The following TENM2 variants were observed in gnomAD, a reference collection of about 807,000 sequenced individuals.
TENM2 encodes teneurin-2.
In TENM2, 52 loss-of-function variants were observed where a neutral mutation model predicts 245.2. The ratio of observed to expected loss-of-function variants is 0.21; its 90% CI spans 0.17 to 0.27. The LOEUF (loss-of-function observed/expected upper bound fraction) is 0.27, where lower values mean the gene tolerates loss of function less well. Among genes scored for constraint, TENM2 ranks in the 10% least tolerant of loss-of-function variants. TENM2 has a pLI of 1.00. For synonymous variants in TENM2, 1,363 were observed against 1,438.9 expected (o/e 0.95, Z 1.19); for missense variants, 3,046 against 3,666.8 (o/e 0.83, Z 4.37).
At chr5:167,498,412 A>T (rs1423161952) in intron 2 of TENM2, among the ~76,000 whole-genome samples, 1 of 152,042 alleles carries the variant, frequency 6.6e-6, no homozygotes, top group Non-Finnish European at 1.5e-5. Context: ...GATTCTCAGG[A>T]TTTAATATTT....
At chr5:168,236,654 A>C (rs560456420) in intron 25 of TENM2, among the ~76,000 whole-genome samples, 32 of 151,970 alleles carry the variant, frequency 2.1e-4, no homozygotes, top group African/African-American at 7.5e-4. Flanking sequence ...TTGTTGGCTC[A>C]CCTGTCGTTA....
chr5:167,979,287 A>G (rs1305055361), intron 4 of TENM2, among the ~76,000 whole-genome samples: 1 of 152,202 alleles, frequency 6.6e-6, no homozygotes, highest in Non-Finnish European at 1.5e-5. Flanking sequence ...GATTAAAACC[A>G]TTCTATCATA....
At chr5:168,012,963 G>A (rs1490580312) in intron 5 of TENM2, among the ~76,000 whole-genome samples, 1 of 151,924 alleles carries the variant, frequency 6.6e-6, no homozygotes, top group Non-Finnish European at 1.5e-5. Flanking sequence ...ATTTCCTTAG[G>A]TTTCCTGCCT....
intron 2 of TENM2, among the ~76,000 whole-genome samples, chr5:167,826,599 A>C (rs1354100741): frequency 6.6e-6 from 1 of 152,210 alleles, no homozygotes; most frequent in African/African-American, 2.4e-5. Flanking sequence ...ATACTTTACT[A>C]TGTATTTCCT....
At chr5:167,355,406 G>A (rs529380950) in intron 1 of TENM2, among the ~76,000 whole-genome samples, 25 of 152,290 alleles carry the variant, frequency 1.6e-4, no homozygotes, top group African/African-American at 5.8e-4. Flanking sequence ...ACAAGAGAAA[G>A]TGATTTGGAG....
At chr5:167,892,108 T>TA (rs75184605) in intron 3 of TENM2, among the ~76,000 whole-genome samples, 2 of 152,340 alleles carry the variant, frequency 1.3e-5, no homozygotes, top group East Asian at 3.9e-4. Flanking sequence ...TATAGCATTG[T>TA]AAGCACATTA....
chr5:167,354,295 T>C (rs543759261), intron 1 of TENM2, among the ~76,000 whole-genome samples: 2 of 152,364 alleles, frequency 1.3e-5, no homozygotes, highest in African/African-American at 4.8e-5. Context: ...TGCTCATGGC[T>C]CACTGATTTT....
the TENM2 span, among the ~76,000 whole-genome samples, chr5:167,050,377 A>G: frequency 2.0e-5 from 3 of 152,154 alleles, no homozygotes; most frequent in Non-Finnish European, 2.9e-5. Flanking sequence ...CCGAGGTGGA[A>G]CAGTTTCATT....
chr5:167,266,454 G>A, the TENM2 span, among the ~76,000 whole-genome samples: 2 of 152,020 alleles, frequency 1.3e-5, no homozygotes, highest in Non-Finnish European at 2.9e-5. Context: ...TAAAATCTGA[G>A]TTCTGTTTTA....
intron 2 of TENM2, among the ~76,000 whole-genome samples, chr5:167,739,104 A>G (rs896841815): frequency 3.5e-4 from 54 of 152,342 alleles, no homozygotes; most frequent in Non-Finnish European, 4.9e-4. Context: ...ATTCCTTGCA[A>G]TAGGAGCCCT....
chr5:167,210,451 A>ATT, the TENM2 span, among the ~76,000 whole-genome samples: 1,663 of 101,168 alleles, frequency 0.016, 40 homozygotes, highest in East Asian at 0.036. Flanking sequence ...TTTTCACTGC[A>ATT]TTTTTTTTTT....
the TENM2 span, among the ~76,000 whole-genome samples, chr5:167,236,118 G>T: frequency 6.6e-5 from 10 of 152,118 alleles, no homozygotes; most frequent in Non-Finnish European, 1.3e-4. Context: ...GAAGTACTGT[G>T]TATTACCTTG....
At chr5:167,840,499 G>A (rs184878247) in intron 2 of TENM2, among the ~76,000 whole-genome samples, 12 of 152,176 alleles carry the variant, frequency 7.9e-5, no homozygotes, top group Non-Finnish European at 2.9e-5. Context: ...AACTGAATTC[G>A]CTAAGTTCAT....
At chr5:167,897,272 C>T (rs1775295963) in intron 3 of TENM2, among the ~76,000 whole-genome samples, 1 of 142,046 alleles carries the variant, frequency 7.0e-6, no homozygotes, top group Admixed American at 7.5e-5. Context: ...CTCATTTGTG[C>T]CATTAGCTGA....
chr5:168,218,168 A>G lies in TENM2; in HGVS notation c.4277A>G (p.Asp1426Gly), dbSNP rs1460156536. The G allele has an allele frequency of 1.2e-6, 2 of 1,613,694 alleles. No homozygotes were observed. Among genetic ancestry groups the G allele is most frequent in the Admixed American group, 1.7e-5 (1 of 59,980 alleles). Reference sequence around the variant, plus strand: ...ACAGACCTTGCTGTCAATCCCATGGATAACTCCTTGTATGTTCTAGAGAAC... The same window carrying G: ...ACAGACCTTGCTGTCAATCCCATGGGTAACTCCTTGTATGTTCTAGAGAAC... Residue 1426 changes from aspartate to glycine, a missense_variant, in exon 23 of 29, where the codon GAT (aspartate) becomes GGT (glycine). This residue lies in a region of TENM2 where 2,704 missense variants were observed against 3,331.9 expected (regional missense o/e 0.81). Transcript: ENST00000518659. This position sits in a 1 kb window ranked among gnomAD's most constrained non-coding sequence, Gnocchi z 5.2.
chr5:168,253,714 C>T (rs1047261261), intron 27 of TENM2, among the ~76,000 whole-genome samples: 2 of 152,188 alleles, frequency 1.3e-5, no homozygotes, highest in South Asian at 2.1e-4. Flanking sequence ...CGTGAGCCAC[C>T]GCGCCTGGCT....
chr5:167,794,481 A>G (rs1262514208), intron 2 of TENM2, among the ~76,000 whole-genome samples: 4 of 152,226 alleles, frequency 2.6e-5, no homozygotes, highest in Admixed American at 2.6e-4. Flanking sequence ...TGCTATCAAC[A>G]TGATTGGCAA....
intron 3 of TENM2, among the ~76,000 whole-genome samples, chr5:167,889,389 C>A (rs1452293995): frequency 2.0e-5 from 3 of 152,186 alleles, no homozygotes; most frequent in Admixed American, 2.0e-4. Flanking sequence ...TGGTGGCATT[C>A]ACACTTGACT....
At chr5:168,160,527 A>G (rs1264578437) in intron 12 of TENM2, among the ~76,000 whole-genome samples, 1 of 152,178 alleles carries the variant, frequency 6.6e-6, no homozygotes, top group African/African-American at 2.4e-5. Flanking sequence ...TTGCCCTCTC[A>G]AGACAGCTTG....
Sources: gnomAD v4.1 joint callset for allele counts (sites outside exome capture counted in the v4.1 genomes callset) on GRCh38, gnomAD v4.1.1 for gene constraint, gnomAD v4.1.1 regional missense constraint, Gnocchi (gnomAD v3.1) non-coding constraint, MANE v1.5 for transcripts, NCBI Gene and HGNC (gene_info 2026-07-23, HGNC 2026-07-21) for gene names.